Variants in CSMD3 observed in about 807,000 individuals in gnomAD.
CSMD3 encodes the protein CUB and sushi domain-containing protein 3.
In CSMD3, 177 loss-of-function variants were observed where a neutral mutation model predicts 435.2. The ratio of observed to expected loss-of-function variants is 0.41; its 90% CI spans 0.36 to 0.46. CSMD3 has a LOEUF of 0.46. Ranked by LOEUF, CSMD3 falls within the 20% of genes least tolerant of loss-of-function variation. The probability of loss-of-function intolerance (pLI) is 0.34; values close to 1 mark genes in which losing one functional copy is unlikely to be tolerated. For missense variants in CSMD3, 4,265 were observed against 4,504.6 expected, an observed-to-expected ratio of 0.95 and a Z score of 1.52; for synonymous variants, 1,656 against 1,520.5, an observed-to-expected ratio of 1.09 and a Z score of -2.07.
intron 22 of CSMD3, among the ~76,000 whole-genome samples, chr8:112,601,757 G>A (rs1237023051): frequency 6.6e-6 from 1 of 152,054 alleles, no homozygotes; most frequent in East Asian, 1.9e-4. Flanking sequence ...GGAAAGGCAG[G>A]AGTAACTTTT....
intron 32 of CSMD3, among the ~76,000 whole-genome samples, chr8:112,417,199 T>A (rs566958021): frequency 6.6e-6 from 1 of 152,288 alleles, no homozygotes; most frequent in South Asian, 2.1e-4. Flanking sequence ...GTCTGAAATG[T>A]CCTGTGATAT....
chr8:112,605,035 A>G (rs932744469), intron 22 of CSMD3, among the ~76,000 whole-genome samples: 1 of 152,234 alleles, frequency 6.6e-6, no homozygotes, highest in Non-Finnish European at 1.5e-5. Flanking sequence ...AAAAATGTTC[A>G]ACTTCATGAC....
At chr8:112,315,981 G>T (rs1356737590) in intron 47 of CSMD3, among the ~76,000 whole-genome samples, 1 of 151,696 alleles carries the variant, frequency 6.6e-6, no homozygotes, top group Non-Finnish European at 1.5e-5. Context: ...AGTGTTCAGG[G>T]TACAAAGACA....
chr8:112,391,859 C>A (rs990893858), intron 35 of CSMD3, among the ~76,000 whole-genome samples: 3 of 152,096 alleles, frequency 2.0e-5, no homozygotes, highest in African/African-American at 4.8e-5. Flanking sequence ...TCAATAAAGG[C>A]TTCTATCATT....
chr8:112,485,177 T>C (rs1820002611), intron 31 of CSMD3, among the ~76,000 whole-genome samples: 1 of 152,100 alleles, frequency 6.6e-6, no homozygotes, highest in African/African-American at 2.4e-5. Context: ...ATAATAATTT[T>C]CCCCTATCGT....
intron 6 of CSMD3, among the ~76,000 whole-genome samples, chr8:112,994,026 G>C (rs1587845603): frequency 6.6e-6 from 1 of 151,718 alleles, no homozygotes; most frequent in African/African-American, 2.4e-5. Flanking sequence ...GTAAAGAATG[G>C]GTTGTAGAGA....
chr8:112,329,723 T>A (rs573503394), intron 45 of CSMD3, among the ~76,000 whole-genome samples: 1 of 152,222 alleles, frequency 6.6e-6, no homozygotes, highest in Admixed American at 6.6e-5. Context: ...AGAAAATAAA[T>A]ACCATACCTT....
intron 1 of CSMD3, among the ~76,000 whole-genome samples, chr8:113,358,142 T>C (rs149303943): frequency 6.6e-6 from 1 of 152,222 alleles, no homozygotes; most frequent in African/African-American, 2.4e-5. Flanking sequence ...ATGTGTTTAT[T>C]TGGATATTAT....
chr8:112,333,938 T>C (rs962042510), intron 45 of CSMD3, among the ~76,000 whole-genome samples: 1 of 152,222 alleles, frequency 6.6e-6, no homozygotes, highest in Non-Finnish European at 1.5e-5. Context: ...AATGATTATG[T>C]ATTAGTTCCC....
intron 5 of CSMD3, among the ~76,000 whole-genome samples, chr8:113,048,757 T>C (rs570758055): frequency 6.6e-6 from 1 of 152,264 alleles, no homozygotes; most frequent in African/African-American, 2.4e-5. Flanking sequence ...GATTTGTCAG[T>C]GTTCTTTTCC....
At chr8:112,523,589 T>C (rs1385057483) in intron 27 of CSMD3, among the ~76,000 whole-genome samples, 1 of 151,964 alleles carries the variant, frequency 6.6e-6, no homozygotes, top group Non-Finnish European at 1.5e-5. Flanking sequence ...TCCCTATCTA[T>C]AAGAAAATCA....
At chr8:113,114,798 T>C (rs1228876936) in intron 4 of CSMD3, among the ~76,000 whole-genome samples, 2 of 152,120 alleles carry the variant, frequency 1.3e-5, no homozygotes, top group Admixed American at 6.5e-5. Context: ...CAGAGGTAGA[T>C]AGAACATTGG....
intron 27 of CSMD3, among the ~76,000 whole-genome samples, chr8:112,525,827 ATAT>A (rs1408424928): frequency 0.011 from 1,389 of 125,030 alleles, 32 homozygotes; most frequent in African/African-American, 0.037. Context: ...CATATAAAAA[ATAT>A]ATATATATAT....
In CSMD3 at chr8:112,287,700, T is replaced by G. The variant is rs914161947; in HGVS notation, c.9149-454A>C. On this transcript the variant is annotated intron_variant, in intron 57 of 70. Coordinates refer to ENST00000297405, the MANE Select transcript of CSMD3 (RefSeq NM_198123.2). ...TTTTTGTTAAAGTAGAACTGTGGTG[T>G]GCTAGGACATGTAAATATTATAATA... Among the ~76,000 whole-genome samples, 4 of 152,274 alleles carry G rather than the reference T, an allele frequency of 2.6e-5. 1 individual carries two copies. The South Asian group carries it at 8.3e-4, about 32-fold the overall frequency.
At chr8:112,678,650 C>T (rs1203540996) in intron 16 of CSMD3, among the ~76,000 whole-genome samples, 1 of 151,998 alleles carries the variant, frequency 6.6e-6, no homozygotes, top group Non-Finnish European at 1.5e-5. Context: ...TTCCATTGTT[C>T]TGTAAGTTCT....
intron 66 of CSMD3, among the ~76,000 whole-genome samples, chr8:112,240,686 G>A (rs1249375640): frequency 6.6e-6 from 1 of 152,008 alleles, no homozygotes; most frequent in Non-Finnish European, 1.5e-5. Context: ...TACTAATACT[G>A]AATAAGCATG....
intron 13 of CSMD3, among the ~76,000 whole-genome samples, chr8:112,738,005 A>T (rs1288204752): frequency 1.3e-5 from 2 of 151,866 alleles, no homozygotes; most frequent in Non-Finnish European, 2.9e-5. Context: ...TTCTGATGAT[A>T]GTTTGATTGA....
intron 9 of CSMD3, among the ~76,000 whole-genome samples, chr8:112,943,947 T>C (rs1402980851): frequency 1.3e-5 from 2 of 151,692 alleles, no homozygotes; most frequent in African/African-American, 4.8e-5. Context: ...GAGTTTATCA[T>C]ACTTTTGCAC....
At chr8:113,381,928 A>G (rs571524629) in intron 1 of CSMD3, among the ~76,000 whole-genome samples, 3 of 152,242 alleles carry the variant, frequency 2.0e-5, no homozygotes, top group Non-Finnish European at 2.9e-5. Context: ...ATGTATTCAG[A>G]TTTATATTTG....
Sources: gnomAD v4.1 joint callset for allele counts (sites outside exome capture counted in the v4.1 genomes callset) on GRCh38, gnomAD v4.1.1 for gene constraint, MANE v1.5 for transcripts, NCBI Gene and HGNC (gene_info 2026-07-23, HGNC 2026-07-21) for gene names.